Variants in RBBP4 observed in about 807,000 individuals in gnomAD.
RBBP4 encodes the protein histone-binding protein RBBP4.
RBBP4 carries 3 observed loss-of-function variants against 57.2 expected under a neutral mutation model. That is an observed-to-expected ratio of 0.05 (90% CI 0.02 to 0.14). RBBP4 has a LOEUF of 0.14. Among genes scored for constraint, RBBP4 ranks in the 10% least tolerant of loss-of-function variants. The pLI is 1.00. For synonymous variants in RBBP4, 151 were observed against 171.5 expected (o/e 0.88, Z 0.93); for missense variants, 107 against 520.6 (o/e 0.21, Z 7.73).
chr1:32,682,841 T>G lies in RBBP4; in HGVS notation c.*3136T>G, dbSNP rs1649539195. On this transcript the variant is annotated 3_prime_UTR_variant, in exon 12 of 12. Transcript: ENST00000373493. Reference sequence around the variant, plus strand: ...AAAATTTATAGGCATCTGTATAATGTACAACTTGACACGGACTTTCTTTTA... The same window carrying G: ...AAAATTTATAGGCATCTGTATAATGGACAACTTGACACGGACTTTCTTTTA... The G allele has an allele frequency of 6.6e-6, 1 of 152,196 alleles. No individual in the cohort carries two copies. The highest frequency in any genetic ancestry group is 6.5e-5 in the Admixed American group (1 of 15,268). The allele number at this position is 152,196 out of a possible 1,614,324, so 9.4% of individuals were successfully genotyped here. A position where few individuals can be genotyped will look rare whatever the true frequency, so the allele number is the denominator to read the frequency against.
In RBBP4 at chr1:32,684,094, A is replaced by G. The variant is rs1649641094; in HGVS notation, c.*4389A>G. 1 of 1,609,262 alleles carries G rather than the reference A, an allele frequency of 6.2e-7. No individual in the cohort carries two copies. ...CTCTTGGGTAGTAGCATAGCCCTTT[A>G]AAAAGAGAGAGCCATTTTCCATGTG... On this transcript the variant is annotated 3_prime_UTR_variant, in exon 12 of 12. Transcript: ENST00000373493.
At chr1:32,675,945 G>T (rs1490260150) in intron 11 of RBBP4, among the ~76,000 whole-genome samples, 5 of 152,100 alleles carry the variant, frequency 3.3e-5, no homozygotes, top group Non-Finnish European at 7.3e-5. Context: ...AAATTAGCCA[G>T]GCTTGGTGGT....
At chr1:32,659,288 C>T (rs907629518) in intron 3 of RBBP4, among the ~76,000 whole-genome samples, 5 of 151,814 alleles carry the variant, frequency 3.3e-5, no homozygotes, top group African/African-American at 7.3e-5. Flanking sequence ...TGGCCGGGTG[C>T]GGTGAGTCAC....
chr1:32,662,286 C>A, intron 3 of RBBP4: 1 of 272,358 alleles, frequency 3.7e-6, no homozygotes, highest in Non-Finnish European at 8.0e-6. Context: ...CCTCCGCCTC[C>A]TGGGTTCAAG....
At chr1:32,655,127 T>C (rs911945430) in intron 2 of RBBP4, among the ~76,000 whole-genome samples, 2 of 152,136 alleles carry the variant, frequency 1.3e-5, no homozygotes, top group Non-Finnish European at 2.9e-5. Flanking sequence ...TAGTTGGGGC[T>C]ACAGGCACAC....
chr1:32,679,520 T>G, intron 11 of RBBP4, 120 bp from the exon 12 acceptor site: 1 of 814,566 alleles, frequency 1.2e-6, no homozygotes, highest in Non-Finnish European at 1.8e-6. Context: ...GTAACACAGA[T>G]TGTGTGGCCC....
rs780150614 is a variant in RBBP4, at chr1:32,681,903, G to C, written c.*2198G>C. 5 of 1,560,830 alleles carry C rather than the reference G, an allele frequency of 3.2e-6. No homozygotes were observed. The highest frequency in any genetic ancestry group is 4.4e-6 in the Non-Finnish European group (5 of 1,131,816). On this transcript the variant is annotated 3_prime_UTR_variant, in exon 12 of 12. Coordinates refer to ENST00000373493, the MANE Select transcript of RBBP4 (RefSeq NM_005610.3). ...AAAGTTTATAACAGTGAACTTCTGAGGTTTAGTTACTGCAGGCTTTGTTGA... is the reference window on the plus strand; with the variant it reads ...AAAGTTTATAACAGTGAACTTCTGACGTTTAGTTACTGCAGGCTTTGTTGA...
At chr1:32,670,090 C>G (rs541585334) in intron 8 of RBBP4, among the ~76,000 whole-genome samples, 5 of 152,272 alleles carry the variant, frequency 3.3e-5, no homozygotes, top group Non-Finnish European at 7.4e-5. Context: ...GGTATGGTAG[C>G]TTATGCCTGT....
chr1:32,666,264 T>C (rs982309757), intron 3 of RBBP4, among the ~76,000 whole-genome samples: 5 of 152,244 alleles, frequency 3.3e-5, no homozygotes, highest in Admixed American at 6.5e-5. Context: ...AAGGGCACTT[T>C]AGTGTTTAGC....
At position 32,672,548 on chromosome 1, in the gene RBBP4, C is replaced by T. The variant is rs1157594495; in HGVS notation, c.1043+22C>T. On this transcript the variant is annotated intron_variant, in intron 9 of 11. Transcript: ENST00000373493. ...TAAGGTAATTCTTGTATTCATTCCT[C>T]TCTCTACATAATTATTTCCTTTATT... The T allele has an allele frequency of 2.5e-6, 4 of 1,596,890 alleles. No individual in the cohort carries two copies. In the South Asian group the frequency reaches 4.4e-5, roughly 18 times the overall value.
At position 32,683,264 on chromosome 1, in the gene RBBP4, CAAAAAAAAAAAAA is replaced by C. The variant is rs35935907; in HGVS notation, c.*3568_*3580del. ...CTGGCAACAGAGCAAGACTCCGTCTCAAAAAAAAAAAAAAAAAAAAAGAGTAAGTCTGTGTAAC... is the reference window on the plus strand; with the variant it reads ...CTGGCAACAGAGCAAGACTCCGTCTCAAAAAAAAGAGTAAGTCTGTGTAAC... On this transcript the variant is annotated 3_prime_UTR_variant, in exon 12 of 12. Coordinates refer to ENST00000373493, the MANE Select transcript of RBBP4 (RefSeq NM_005610.3). The C allele has an allele frequency of 1.1e-5, 1 of 89,240 alleles. No individual in the cohort carries two copies. Among genetic ancestry groups the C allele is most frequent in the African/African-American group, 3.9e-5 (1 of 25,400 alleles). The allele number at this position is 89,240 out of a possible 1,614,324, so 5.5% of individuals were successfully genotyped here. A position where few individuals can be genotyped will look rare whatever the true frequency, so the allele number is the denominator to read the frequency against.
At chr1:32,659,308 C>T (rs566812600) in intron 3 of RBBP4, among the ~76,000 whole-genome samples, 1 of 151,948 alleles carries the variant, frequency 6.6e-6, no homozygotes, top group Admixed American at 6.6e-5. Flanking sequence ...CTCCTGTAAT[C>T]CCAGCACTTT....
At chr1:32,654,621 T>C (rs147607078) in intron 2 of RBBP4, among the ~76,000 whole-genome samples, 74 of 152,354 alleles carry the variant, frequency 4.9e-4, no homozygotes, top group African/African-American at 1.5e-3. Context: ...GGCTGAAATC[T>C]GTACTGTCAT....
At chr1:32,658,438 A>C (rs756323937) in intron 3 of RBBP4, among the ~76,000 whole-genome samples, 1 of 151,958 alleles carries the variant, frequency 6.6e-6, no homozygotes, top group Admixed American at 6.6e-5. Context: ...TGACTTAACC[A>C]TGGCACTCTC....
rs141395258 is a variant in RBBP4, at chr1:32,654,579, C to T, written c.164+2518C>T. On this transcript the variant is annotated intron_variant, in intron 2 of 11. Coordinates refer to ENST00000373493, the MANE Select transcript of RBBP4 (RefSeq NM_005610.3). ...TATAATAGAATGACTAGCTAGGTTTCGAAAGCAAGAATTAAAGACTTAATT... is the reference window on the plus strand; with the variant it reads ...TATAATAGAATGACTAGCTAGGTTTTGAAAGCAAGAATTAAAGACTTAATT... Among the ~76,000 whole-genome samples the T allele has an allele frequency of 1.1e-4, 17 of 152,294 alleles. No individual in the cohort carries two copies. In the East Asian group the frequency reaches 2.9e-3, roughly 26 times the overall value.
chr1:32,660,716 T>A (rs1169397922), intron 3 of RBBP4, among the ~76,000 whole-genome samples: 2 of 152,172 alleles, frequency 1.3e-5, no homozygotes, highest in Non-Finnish European at 2.9e-5. Flanking sequence ...TCTATTGTTG[T>A]CTTCTGGGAC....
intron 2 of RBBP4, among the ~76,000 whole-genome samples, chr1:32,653,316 G>C (rs977587066): frequency 6.6e-6 from 1 of 152,132 alleles, no homozygotes; most frequent in African/African-American, 2.4e-5. Flanking sequence ...AGACCATTGT[G>C]CCATTTGGAA....
intron 3 of RBBP4, among the ~76,000 whole-genome samples, chr1:32,666,031 A>G (rs976509668): frequency 1.3e-5 from 2 of 152,212 alleles, no homozygotes; most frequent in East Asian, 3.8e-4. Context: ...CATAGTAGTC[A>G]TGTGTGAATA....
At position 32,686,059 on chromosome 1, in the gene RBBP4, A is replaced by G. The variant is rs1458585846; in HGVS notation, c.*6354A>G. The G allele has an allele frequency of 6.6e-6, 1 of 152,234 alleles. No homozygotes were observed. Among genetic ancestry groups the G allele is most frequent in the African/African-American group, 2.4e-5 (1 of 41,468 alleles). The allele number at this position is 152,234 out of a possible 1,614,324, so 9.4% of individuals were successfully genotyped here. ...ACTAGTCACATAGGACTCATTTGAA[A>G]TATGACTAGTCTCAATTGAGATGTA... On this transcript the variant is annotated 3_prime_UTR_variant, in exon 12 of 12. Coordinates refer to ENST00000373493, the MANE Select transcript of RBBP4 (RefSeq NM_005610.3).
Sources: allele counts gnomAD v4.1 joint callset (sites outside exome capture counted in the v4.1 genomes callset), GRCh38; gene constraint gnomAD v4.1.1; transcripts MANE v1.5; gene names NCBI Gene and HGNC (gene_info 2026-07-23, HGNC 2026-07-21).